The following PTPRR variants were observed in gnomAD, a reference collection of about 807,000 sequenced individuals.
The protein encoded by PTPRR is receptor-type tyrosine-protein phosphatase R.
PTPRR carries 38 observed loss-of-function variants against 77.2 expected under a neutral mutation model. The observed-to-expected ratio is 0.49, with a 90% confidence interval of 0.38 to 0.65. PTPRR has a LOEUF of 0.65. Ranked by LOEUF, PTPRR falls within the 30% of genes least tolerant of loss-of-function variation. PTPRR has a pLI of 0.00. For synonymous variants in PTPRR, 299 were observed against 283.1 expected (o/e 1.06, Z -0.57); for missense variants, 744 against 799.2 (o/e 0.93, Z 0.83).
intron 8 of PTPRR, among the ~76,000 whole-genome samples, chr12:70,691,817 A>G (rs17108605): frequency 0.038 from 5,808 of 152,012 alleles, 143 homozygotes; most frequent in South Asian, 0.11. Context: ...TTGGACTAGG[A>G]CTCAAGTATC....
intron 2 of PTPRR, among the ~76,000 whole-genome samples, chr12:70,768,930 G>A (rs1890898250): frequency 6.6e-6 from 1 of 151,468 alleles, no homozygotes; most frequent in African/African-American, 2.4e-5. Context: ...CTCAACAGAT[G>A]CAGAAAAAGC....
rs943531818 is a variant in PTPRR at position 70,669,899 on chromosome 12, C to T, written c.1498-7294G>A. On this transcript the variant is annotated intron_variant, in intron 10 of 13. Coordinates refer to ENST00000283228, the MANE Select transcript of PTPRR (RefSeq NM_002849.4). The stretch of plus-strand genomic sequence containing the variant: ...ACAATGGAACATCTTTTAAATGTCT[C>T]CCCCTTGGGCACCTACTCACTTTTC... Among the ~76,000 whole-genome samples, 3 of 152,086 alleles carry T rather than the reference C, an allele frequency of 2.0e-5. No individual in the cohort carries two copies. The South Asian group carries it at 6.2e-4, about 31-fold the overall frequency.
At chr12:70,744,660 G>T (rs1890154850) in intron 6 of PTPRR, among the ~76,000 whole-genome samples, 1 of 152,138 alleles carries the variant, frequency 6.6e-6, no homozygotes. Flanking sequence ...TATTTGCATA[G>T]GGCATTGTGA....
In PTPRR at chr12:70,863,043, T is replaced by C. The variant is rs957839757; in HGVS notation, c.357+29636A>G. On this transcript the variant is annotated intron_variant, in intron 2 of 13. Transcript: ENST00000283228. The stretch of plus-strand genomic sequence containing the variant: ...GTCAAGGCTGTAGTAGAATATGTCT[T>C]TTAATCAACCAATTGCCCTATTCTC... Among the ~76,000 whole-genome samples the C allele has an allele frequency of 2.0e-5, 3 of 152,298 alleles. No homozygotes were observed. In the East Asian group the frequency reaches 5.8e-4, roughly 29 times the overall value.
chr12:70,713,598 GGTGTGAA>G (rs1377872774), intron 6 of PTPRR, among the ~76,000 whole-genome samples: 2 of 144,598 alleles, frequency 1.4e-5, no homozygotes, highest in South Asian at 2.2e-4. Context: ...CATCCTAGTA[GGTGTGAA>G]GTGTATCTCA....
intron 6 of PTPRR, among the ~76,000 whole-genome samples, chr12:70,711,287 G>A (rs1888819669): frequency 6.6e-6 from 1 of 151,996 alleles, no homozygotes; most frequent in Non-Finnish European, 1.5e-5. Context: ...AACTAACACA[G>A]GAACAGAAAA....
At chr12:70,719,226 C>T (rs1664846461) in intron 6 of PTPRR, among the ~76,000 whole-genome samples, 1 of 152,054 alleles carries the variant, frequency 6.6e-6, no homozygotes, top group Non-Finnish European at 1.5e-5. Context: ...GGAAAACAGC[C>T]GACATGAAGG....
chr12:70,665,364 C>CTTTTTTTTTTTTTTTT lies in PTPRR; in HGVS notation c.1498-2775_1498-2760dup, dbSNP rs72472808. ...GATGTAACACAAAGCAATGCAAATT[C>CTTTTTTTTTTTTTTTT]TTTTTTTTTTTTTTTTTTTTTTTTT... On this transcript the variant is annotated intron_variant, in intron 10 of 13. Coordinates refer to ENST00000283228, the MANE Select transcript of PTPRR (RefSeq NM_002849.4). 4.3e-4 allele frequency among the ~76,000 whole-genome samples: 19 copies of CTTTTTTTTTTTTTTTT among 44,606 alleles called. 4 individuals carry two copies. Among genetic ancestry groups the CTTTTTTTTTTTTTTTT allele is most frequent in the Non-Finnish European group, 6.7e-4 (15 of 22,418 alleles). The allele number at this position is 44,606 out of a possible 152,430, so 29.3% of individuals were successfully genotyped here.
chr12:70,691,710 G>A (rs915629247), intron 8 of PTPRR, among the ~76,000 whole-genome samples: 3 of 152,156 alleles, frequency 2.0e-5, no homozygotes, highest in African/African-American at 7.2e-5. Flanking sequence ...AGTCCGTGTA[G>A]AGTTTCTGTG....
intron 13 of PTPRR, among the ~76,000 whole-genome samples, chr12:70,655,896 C>T (rs1284448337): frequency 6.6e-6 from 1 of 152,116 alleles, no homozygotes; most frequent in Non-Finnish European, 1.5e-5. Flanking sequence ...CATTTTGTCA[C>T]AATTTAATAA....
intron 2 of PTPRR, among the ~76,000 whole-genome samples, chr12:70,784,118 G>T (rs1268322047): frequency 6.6e-6 from 1 of 152,194 alleles, no homozygotes; most frequent in Non-Finnish European, 1.5e-5. Flanking sequence ...TGCTTGCTCG[G>T]TGGAGCGGGA....
At chr12:70,897,246 C>T (rs1378970190) in intron 1 of PTPRR, among the ~76,000 whole-genome samples, 1 of 151,726 alleles carries the variant, frequency 6.6e-6, no homozygotes, top group East Asian at 1.9e-4. Context: ...ATTTTTGCAA[C>T]CTACTCATCT....
At chr12:70,874,953 A>G (rs1893025782) in intron 2 of PTPRR, among the ~76,000 whole-genome samples, 1 of 150,190 alleles carries the variant, frequency 6.7e-6, no homozygotes, top group South Asian at 2.1e-4. Context: ...TAGCAACCTC[A>G]CGTTTGGGAA....
intron 2 of PTPRR, among the ~76,000 whole-genome samples, chr12:70,823,492 T>G (rs17814494): frequency 0.059 from 9,048 of 152,264 alleles, 323 homozygotes; most frequent in Non-Finnish European, 0.078. Context: ...CTCCTCTATA[T>G]TCCCAGAGTG....
chr12:70,846,837 G>A (rs559921768), intron 2 of PTPRR, among the ~76,000 whole-genome samples: 22 of 152,196 alleles, frequency 1.4e-4, no homozygotes, highest in African/African-American at 5.3e-4. Flanking sequence ...GTATTTCATC[G>A]TAGCAGCCTG....
chr12:70,795,184 A>G (rs1196914069), intron 2 of PTPRR, among the ~76,000 whole-genome samples: 1 of 152,142 alleles, frequency 6.6e-6, no homozygotes, highest in Non-Finnish European at 1.5e-5. Context: ...CTATTTCTCA[A>G]AATTCTCAAA....
At chr12:70,857,364 A>G (rs929799533) in intron 2 of PTPRR, among the ~76,000 whole-genome samples, 1 of 152,162 alleles carries the variant, frequency 6.6e-6, no homozygotes, top group African/African-American at 2.4e-5. Flanking sequence ...ACTGTCAATT[A>G]GGTCATGGGG....
intron 6 of PTPRR, among the ~76,000 whole-genome samples, chr12:70,712,790 C>T (rs1343672165): frequency 2.0e-5 from 3 of 151,734 alleles, no homozygotes; most frequent in African/African-American, 4.8e-5. Flanking sequence ...GAAAAAATGC[C>T]CAGAAGCAAT....
intron 1 of PTPRR, 119 bp from the exon 2 acceptor site, chr12:70,893,096 GT>G: frequency 9.1e-7 from 1 of 1,095,528 alleles, no homozygotes; most frequent in South Asian, 1.6e-5. Flanking sequence ...AAGGATTTAG[GT>G]TAGTCTCCAT....
Sources: allele counts gnomAD v4.1 joint callset (sites outside exome capture counted in the v4.1 genomes callset), GRCh38; gene constraint gnomAD v4.1.1; transcripts MANE v1.5; gene names NCBI Gene and HGNC (gene_info 2026-07-23, HGNC 2026-07-21).